The following MDH1 variants were observed in gnomAD, a reference collection of about 807,000 sequenced individuals.
MDH1 encodes the protein malate dehydrogenase, cytoplasmic.
In MDH1, 15 loss-of-function variants were observed where a neutral mutation model predicts 38.7. That is an observed-to-expected ratio of 0.39 (90% confidence interval 0.26 to 0.60). The LOEUF (loss-of-function observed/expected upper bound fraction) is 0.60, where lower values mean the gene tolerates loss of function less well. MDH1 is among the 20% of genes least tolerant of loss of function. The pLI is 0.56. For synonymous variants in MDH1, 144 were observed against 143.6 expected, an observed-to-expected ratio of 1.00 and a Z score of -0.02; for missense variants, 368 against 405.2, an observed-to-expected ratio of 0.91 and a Z score of 0.79.
In MDH1 at chr2:63,588,990, G is replaced by T; in HGVS notation, c.-54G>T. ...GTCAGTTCCGCGGTAGAGGTGACCT[G>T]ACTCTCTGAGGCTCATTTTGCAGTT... On this transcript the variant is annotated 5_prime_UTR_variant, in exon 1 of 9. Transcript: ENST00000233114. The T allele has an allele frequency of 6.8e-6, 11 of 1,614,034 alleles. No individual in the cohort carries two copies. The highest frequency in any genetic ancestry group is 1.1e-5 in the South Asian group (1 of 91,052).
Position 63,593,063 on chromosome 2 carries a change from C to G in MDH1, c.4-1425C>G, listed in dbSNP as rs551987951. 7.2e-5 allele frequency: 11 copies of G among 152,526 alleles called. No homozygotes were observed. In the South Asian group the frequency reaches 1.2e-3, roughly 17 times the overall value. 9.4% of individuals were successfully genotyped at this position (152,526 alleles called of 1,614,324 possible). On this transcript the variant is annotated intron_variant, in intron 1 of 8. Coordinates refer to ENST00000233114, the MANE Select transcript of MDH1 (RefSeq NM_005917.4). ...GTTGGCTATGATCAAATTCATTTCT[C>G]TACACCAGTTGACACTTTTTGTTTT...
chr2:63,595,707 C>T (rs1709297247), intron 3 of MDH1, among the ~76,000 whole-genome samples, 188 bp downstream of exon 3: 1 of 152,144 alleles, frequency 6.6e-6, no homozygotes, highest in South Asian at 2.1e-4. Context: ...GAGCAACAAT[C>T]AATGTCAGGT....
At chr2:63,589,167 CA>C in intron 1 of MDH1, 121 bp downstream of exon 1, 1 of 1,610,490 alleles carries the variant, frequency 6.2e-7, no homozygotes, top group Non-Finnish European at 8.5e-7. Flanking sequence ...CGCCCTTTGG[CA>C]AGCTCGGACT....
intron 1 of MDH1, among the ~76,000 whole-genome samples, chr2:63,592,324 A>C (rs1256484442): frequency 7.2e-5 from 11 of 152,218 alleles, no homozygotes; most frequent in African/African-American, 2.7e-4. Context: ...ATATATGAAT[A>C]AAATACCTTT....
At chr2:63,592,458 C>G (rs769681948) in intron 1 of MDH1, among the ~76,000 whole-genome samples, 13 of 152,216 alleles carry the variant, frequency 8.5e-5, no homozygotes, top group Non-Finnish European at 1.8e-4. Context: ...TCAAGTGATT[C>G]TCCTACCTCA....
intron 1 of MDH1, chr2:63,593,539 G>A (rs150711860): frequency 1.1e-4 from 54 of 471,036 alleles, no homozygotes; most frequent in African/African-American, 6.4e-4. Flanking sequence ...TCTCAGAGAC[G>A]TGACTCTCAT....
intron 2 of MDH1, among the ~76,000 whole-genome samples, 185 bp from the exon 3 acceptor site, chr2:63,595,238 T>C (rs1349886705): frequency 6.6e-6 from 1 of 152,166 alleles, no homozygotes; most frequent in African/African-American, 2.4e-5. Context: ...CCAATGCTGG[T>C]TTTATAGCAT....
intron 5 of MDH1, chr2:63,600,099 C>A (rs1028752666): frequency 9.6e-5 from 14 of 145,756 alleles, no homozygotes; most frequent in Admixed American, 2.1e-4. Flanking sequence ...GAGAAGATAA[C>A]TTTAGTTTCA....
chr2:63,600,109 A>C (rs1709391703), intron 5 of MDH1: 1 of 100,142 alleles, frequency 1.0e-5, no homozygotes, highest in Non-Finnish European at 2.6e-5. Flanking sequence ...CTTTAGTTTC[A>C]AAAAAAAATT....
intron 5 of MDH1, among the ~76,000 whole-genome samples, chr2:63,600,495 T>C (rs2106617530): frequency 6.6e-6 from 1 of 152,350 alleles, no homozygotes; most frequent in Admixed American, 6.5e-5. Context: ...TTTGAGAAAG[T>C]ATATTCAATG....
rs142284878 is a variant in MDH1 at position 63,600,629 on chromosome 2, G to A, written c.498+1337G>A. Among the ~76,000 whole-genome samples the A allele has an allele frequency of 3.0e-4, 45 of 152,332 alleles. No individual in the cohort carries two copies. In the East Asian group the frequency reaches 6.2e-3, roughly 21 times the overall value. ...CAAGAAAGGTTGGCTGCTATTATTA[G>A]TTGATTTCTTCTTTCTAAGAAGCAT... On this transcript the variant is annotated intron_variant, in intron 5 of 8. Coordinates refer to ENST00000233114, the MANE Select transcript of MDH1 (RefSeq NM_005917.4).
At position 63,605,919 on chromosome 2, in the gene MDH1, T is replaced by C; in HGVS notation, c.790-20T>C. The C allele has an allele frequency of 6.3e-7, 1 of 1,597,550 alleles. No individual in the cohort carries two copies. Among genetic ancestry groups the C allele is most frequent in the Non-Finnish European group, 8.6e-7 (1 of 1,164,858 alleles). On this transcript the variant is annotated intron_variant, in intron 7 of 8. Coordinates refer to ENST00000233114, the MANE Select transcript of MDH1 (RefSeq NM_005917.4). The stretch of plus-strand genomic sequence containing the variant: ...GTGTAAACTAATCATCATGAGTATG[T>C]GAAACATTGTTATTTTCAGGGAGAG...
chr2:63,607,022 A>C lies in MDH1; in HGVS notation c.*35A>C. On this transcript the variant is annotated 3_prime_UTR_variant, in exon 9 of 9. Coordinates refer to ENST00000233114, the MANE Select transcript of MDH1 (RefSeq NM_005917.4). ...GATGTTACTAAATGCTTCAAAGCTG[A>C]AGAATCTAAATGTCGTCTTTGACTC... The C allele has an allele frequency of 6.3e-7, 1 of 1,585,186 alleles. No homozygotes were observed. Among genetic ancestry groups the C allele is most frequent in the South Asian group, 1.2e-5 (1 of 85,642 alleles).
At chr2:63,591,390 C>G (rs1709199491) in intron 1 of MDH1, among the ~76,000 whole-genome samples, 1 of 152,208 alleles carries the variant, frequency 6.6e-6, no homozygotes, top group South Asian at 2.1e-4. Context: ...AATTACCTAC[C>G]TGGGAAAGTA....
At chr2:63,591,789 A>C (rs1709206309) in intron 1 of MDH1, among the ~76,000 whole-genome samples, 1 of 152,252 alleles carries the variant, frequency 6.6e-6, no homozygotes, top group Non-Finnish European at 1.5e-5. Flanking sequence ...CAGGCTATTA[A>C]AGTCTTTAGA....
intron 1 of MDH1, chr2:63,590,832 G>GC (rs1558857736): frequency 6.6e-6 from 1 of 152,166 alleles, no homozygotes; most frequent in Admixed American, 6.5e-5. Context: ...CAATTTCCCT[G>GC]CCCCCTCAGG....
In MDH1 at chr2:63,597,627, T is replaced by C. The variant is rs12104443; in HGVS notation, c.375+53T>C. Reference sequence around the variant, plus strand: ...TTTCATTATTAGCATTTGAAACTTATGCTTTTAGCATTTAAGCAAAACCAA... The same window carrying C: ...TTTCATTATTAGCATTTGAAACTTACGCTTTTAGCATTTAAGCAAAACCAA... On this transcript the variant is annotated intron_variant, in intron 4 of 8. Transcript: ENST00000233114. The C allele has an allele frequency of 1.4e-3, 1,808 of 1,328,888 alleles. 21 individuals are homozygous for C. The African/African-American group carries it at 0.025, about 18-fold the overall frequency. The allele number at this position is 1,328,888 out of a possible 1,614,324, so 82.3% of individuals were successfully genotyped here.
At chr2:63,604,563 T>G in intron 5 of MDH1, 133 bp from the exon 6 acceptor site, 1 of 709,796 alleles carries the variant, frequency 1.4e-6, no homozygotes, top group Non-Finnish European at 2.3e-6. Context: ...TTTTTACAAG[T>G]CAATATAACT....
chr2:63,593,707 T>C (rs1709246097), intron 1 of MDH1: 3 of 471,184 alleles, frequency 6.4e-6, no homozygotes, highest in Non-Finnish European at 1.3e-5. Flanking sequence ...ACTGAATTTT[T>C]CTGTCTAACT....
Sources: gnomAD v4.1 joint callset for allele counts (sites outside exome capture counted in the v4.1 genomes callset) on GRCh38, gnomAD v4.1.1 for gene constraint, MANE v1.5 for transcripts, NCBI Gene and HGNC (gene_info 2026-07-23, HGNC 2026-07-21) for gene names.